DIP2C: variants seen among roughly 807,000 people sequenced by gnomAD.
The protein encoded by DIP2C is DIP2 acetate--CoA ligase C (putative).
In DIP2C, 33 loss-of-function variants were observed where a neutral mutation model predicts 192.4. The observed-to-expected ratio is 0.17, with a 90% CI of 0.13 to 0.23. The LOEUF (loss-of-function observed/expected upper bound fraction) is 0.23, where lower values mean the gene tolerates loss of function less well. Ranked by LOEUF, DIP2C falls within the 10% of genes least tolerant of loss-of-function variation. The pLI is 1.00. For synonymous variants in DIP2C, 979 were observed against 864.1 expected, an observed-to-expected ratio of 1.13 and a Z score of -2.33; for missense variants, 1,537 against 2,110.1, an observed-to-expected ratio of 0.73 and a Z score of 5.32.
At chr10:671,317 G>A (rs926450288) in intron 1 of DIP2C, among the ~76,000 whole-genome samples, 14 of 151,908 alleles carry the variant, frequency 9.2e-5, no homozygotes, top group East Asian at 7.7e-4. Context: ...ACAGACGGAG[G>A]AAACGCCACA....
intron 26 of DIP2C, among the ~76,000 whole-genome samples, chr10:347,479 C>CAT: frequency 9.0e-6 from 1 of 111,258 alleles, no homozygotes. Context: ...CCGGAAACCC[C>CAT]ACACTCACCC....
chr10:300,453 TAGAC>T (rs2132259878), intron 32 of DIP2C, among the ~76,000 whole-genome samples: 1 of 152,170 alleles, frequency 6.6e-6, no homozygotes, highest in South Asian at 2.1e-4. Context: ...GTCAAATTCA[TAGAC>T]AAAGTAGAAT....
intron 2 of DIP2C, among the ~76,000 whole-genome samples, chr10:476,291 C>T (rs1843024936): frequency 6.6e-6 from 1 of 152,176 alleles, no homozygotes; most frequent in African/African-American, 2.4e-5. Flanking sequence ...ACGTGAGGCA[C>T]CAGCTCAGAT....
chr10:670,340 G>A (rs79548318), intron 1 of DIP2C, among the ~76,000 whole-genome samples: 6,214 of 151,924 alleles, frequency 0.041, 411 homozygotes, highest in African/African-American at 0.14. Context: ...ATGCGCACGC[G>A]TACATGCACA....
At chr10:316,378 C>T (rs1410857358) in intron 31 of DIP2C, among the ~76,000 whole-genome samples, 5 of 152,178 alleles carry the variant, frequency 3.3e-5, no homozygotes, top group Non-Finnish European at 5.9e-5. Context: ...TGCTTCACGG[C>T]GAGAGATCTG....
At chr10:503,986 C>G (rs942314961) in intron 1 of DIP2C, among the ~76,000 whole-genome samples, 4 of 152,184 alleles carry the variant, frequency 2.6e-5, no homozygotes, top group African/African-American at 9.7e-5. Flanking sequence ...GATTCCTGAT[C>G]ACACTTAAAG....
At chr10:423,329 G>A (rs1415446960) in intron 4 of DIP2C, among the ~76,000 whole-genome samples, 2 of 152,218 alleles carry the variant, frequency 1.3e-5, no homozygotes, top group Non-Finnish European at 1.5e-5. Flanking sequence ...AAGAAACCAA[G>A]TGTTTGCTTG....
At chr10:426,946 G>C (rs535555035) in intron 4 of DIP2C, among the ~76,000 whole-genome samples, 5 of 140,484 alleles carry the variant, frequency 3.6e-5, no homozygotes, top group Middle Eastern at 3.6e-3. Flanking sequence ...GTAAGACTAT[G>C]AGACTTCTAA....
chr10:607,421 C>T (rs1852573229), intron 1 of DIP2C, among the ~76,000 whole-genome samples: 1 of 152,212 alleles, frequency 6.6e-6, no homozygotes, highest in Non-Finnish European at 1.5e-5. Context: ...TCCAAGACTT[C>T]CAAGTCCCAC....
intron 8 of DIP2C, among the ~76,000 whole-genome samples, chr10:409,959 T>C (rs570910223): frequency 6.6e-6 from 1 of 152,256 alleles, no homozygotes; most frequent in African/African-American, 2.4e-5. Context: ...TTAGAAGACG[T>C]GATAATGCTG....
chr10:361,228 C>T (rs1414988595), intron 22 of DIP2C, among the ~76,000 whole-genome samples: 1 of 152,102 alleles, frequency 6.6e-6, no homozygotes, highest in Non-Finnish European at 1.5e-5. Context: ...TAATGAAGTA[C>T]ATTATTAGAG....
rs76152852 is a variant in DIP2C, at chr10:381,570, C to T, written c.1991+1077G>A. Among the ~76,000 whole-genome samples, 939 of 152,286 alleles carry T rather than the reference C, an allele frequency of 6.2e-3. 4 individuals are homozygous for T. The highest frequency in any genetic ancestry group is 0.014 in the Middle Eastern group (4 of 294). On this transcript the variant is annotated intron_variant, in intron 17 of 36. Transcript: ENST00000280886. ...AGAGACCACTCCTCCAGACACTGCA[C>T]GGGAGCAGGCCGCAGCCGACCTGAC...
chr10:325,580 T>C (rs890681429), intron 31 of DIP2C, among the ~76,000 whole-genome samples: 2 of 152,220 alleles, frequency 1.3e-5, no homozygotes, highest in African/African-American at 4.8e-5. Context: ...GACATCACAC[T>C]ATTGCTGAAC....
chr10:337,800 C>CGTGTGTTGTTGAGGCCTAGGCAGCTGTGT (rs749822515), intron 29 of DIP2C, among the ~76,000 whole-genome samples: 1 of 122,548 alleles, frequency 8.2e-6, no homozygotes, highest in Non-Finnish European at 1.7e-5. Flanking sequence ...TGTGTGTGCA[C>CGTGTGTTGTTGAGGCCTAGGCAGCTGTGT]GTGTGTCGTG....
chr10:334,438 A>G (rs988950227), intron 29 of DIP2C, among the ~76,000 whole-genome samples: 13 of 152,080 alleles, frequency 8.5e-5, no homozygotes, highest in African/African-American at 2.9e-4. Flanking sequence ...TTTGATATAC[A>G]AAAGTTTTAA....
At chr10:418,930 C>T in intron 6 of DIP2C, 135 bp downstream of exon 6, 3 of 1,343,700 alleles carry the variant, frequency 2.2e-6, no homozygotes, top group Non-Finnish European at 3.0e-6. Context: ...ATGAGAGGCT[C>T]CCGAAGATCT....
intron 1 of DIP2C, among the ~76,000 whole-genome samples, chr10:547,495 C>T (rs11814503): frequency 0.083 from 12,641 of 152,108 alleles, 643 homozygotes; most frequent in East Asian, 0.18. Context: ...CCTCATGTTA[C>T]AGAGGAGGAA....
chr10:684,067 G>A (rs1831228254), intron 1 of DIP2C, among the ~76,000 whole-genome samples: 1 of 152,244 alleles, frequency 6.6e-6, no homozygotes, highest in African/African-American at 2.4e-5. Context: ...CCTTCATGTG[G>A]GTTCGCTTTC....
chr10:400,076 ACT>A (rs1348632097), intron 9 of DIP2C, among the ~76,000 whole-genome samples: 5 of 152,220 alleles, frequency 3.3e-5, no homozygotes, highest in Admixed American at 6.5e-5. Flanking sequence ...AAACAAGTTC[ACT>A]CTATTACCCA....
Sources: allele counts gnomAD v4.1 joint callset (sites outside exome capture counted in the v4.1 genomes callset), GRCh38; gene constraint gnomAD v4.1.1; transcripts MANE v1.5; gene names NCBI Gene and HGNC (gene_info 2026-07-23, HGNC 2026-07-21).